GRM5: variants seen among roughly 807,000 people sequenced by gnomAD.
GRM5 encodes the protein glutamate metabotropic receptor 5.
A neutral mutation model predicts 83.1 loss-of-function variants in GRM5; 19 were observed. The observed-to-expected ratio is 0.23, with a 90% CI of 0.16 to 0.34. The LOEUF (loss-of-function observed/expected upper bound fraction) is 0.34, where lower values mean the gene tolerates loss of function less well. Among genes scored for constraint, GRM5 ranks in the 10% least tolerant of loss-of-function variants. The pLI, the probability that GRM5 is intolerant of heterozygous loss-of-function variation, is 1.00. For synonymous variants in GRM5, 675 were observed against 633.6 expected (o/e 1.07, Z -0.98); for missense variants, 1,160 against 1,588.3 (o/e 0.73, Z 4.58).
intron 2 of GRM5, among the ~76,000 whole-genome samples, chr11:88,928,063 A>G (rs1945819078): frequency 6.6e-6 from 1 of 152,090 alleles, no homozygotes; most frequent in Admixed American, 6.6e-5. Context: ...AGTAGACCCT[A>G]AAAGGTTTGT....
intron 2 of GRM5, among the ~76,000 whole-genome samples, chr11:88,973,829 G>A (rs1939241629): frequency 6.6e-6 from 1 of 152,100 alleles, no homozygotes; most frequent in Non-Finnish European, 1.5e-5. Context: ...AAATCTGGGT[G>A]AAAGTTATAC....
chr11:89,004,439 T>C (rs1940469749), intron 2 of GRM5, among the ~76,000 whole-genome samples: 1 of 152,210 alleles, frequency 6.6e-6, no homozygotes, highest in African/African-American at 2.4e-5. Flanking sequence ...CAAAAATCTC[T>C]TATACTTGGA....
chr11:88,745,380 A>AT (rs35158314), intron 3 of GRM5, among the ~76,000 whole-genome samples: 93,613 of 150,728 alleles, frequency 0.62, 29,950 homozygotes, highest in South Asian at 0.86. Flanking sequence ...CTAATATTGT[A>AT]TTTTTTGTAG....
At chr11:88,765,916 T>G (rs928658818) in intron 3 of GRM5, among the ~76,000 whole-genome samples, 1 of 151,656 alleles carries the variant, frequency 6.6e-6, no homozygotes, top group African/African-American at 2.4e-5. Flanking sequence ...ACACACAGAA[T>G]GGGAGAAAAT....
chr11:88,634,888 C>G (rs1372139413), intron 4 of GRM5, among the ~76,000 whole-genome samples: 1 of 152,134 alleles, frequency 6.6e-6, no homozygotes, highest in African/African-American at 2.4e-5. Flanking sequence ...CATGACATCA[C>G]TAGGCAACAA....
At chr11:88,598,840 C>T (rs909069663) in intron 5 of GRM5, among the ~76,000 whole-genome samples, 1 of 152,162 alleles carries the variant, frequency 6.6e-6, no homozygotes, top group Non-Finnish European at 1.5e-5. Context: ...GGGTGTCATT[C>T]CTTACTCAAA....
chr11:88,967,042 T>C (rs1342563264), intron 2 of GRM5, among the ~76,000 whole-genome samples: 1 of 152,028 alleles, frequency 6.6e-6, no homozygotes, highest in Non-Finnish European at 1.5e-5. Flanking sequence ...CTATCGGGCA[T>C]AGTACATCTA....
intron 2 of GRM5, among the ~76,000 whole-genome samples, chr11:88,957,993 T>C (rs1423982257): frequency 1.3e-5 from 2 of 151,982 alleles, no homozygotes; most frequent in Non-Finnish European, 2.9e-5. Flanking sequence ...TTTAGAAACT[T>C]ATATTTTTTA....
At chr11:88,930,440 A>C (rs1464348668) in intron 2 of GRM5, among the ~76,000 whole-genome samples, 2 of 152,074 alleles carry the variant, frequency 1.3e-5, no homozygotes, top group Non-Finnish European at 2.9e-5. Flanking sequence ...TAAGTAAGTA[A>C]ATTATCTGAT....
intron 3 of GRM5, among the ~76,000 whole-genome samples, chr11:88,696,534 C>T (rs529401573): frequency 1.3e-5 from 2 of 152,192 alleles, no homozygotes; most frequent in Non-Finnish European, 1.5e-5. Context: ...ATAATGTCCA[C>T]CTTGGTGGGG....
chr11:88,641,560 A>T (rs1939294679), intron 4 of GRM5, among the ~76,000 whole-genome samples: 1 of 152,118 alleles, frequency 6.6e-6, no homozygotes, highest in Non-Finnish European at 1.5e-5. Flanking sequence ...GAACCTGTAA[A>T]ATCACATAAG....
chr11:88,541,953 T>C (rs1942278379), intron 8 of GRM5, among the ~76,000 whole-genome samples: 1 of 152,072 alleles, frequency 6.6e-6, no homozygotes, highest in Admixed American at 6.6e-5. Flanking sequence ...GATCTAAAGG[T>C]TTTACAGGGG....
rs145926128 is a variant in GRM5, at chr11:88,787,710, T to C, written c.911+62196A>G. Among the ~76,000 whole-genome samples, 1,061 of 152,122 alleles carry C rather than the reference T, an allele frequency of 7.0e-3. 14 individuals are homozygous for C. The highest frequency in any genetic ancestry group is 0.024 in the African/African-American group (1,001 of 41,504). The stretch of plus-strand genomic sequence containing the variant: ...GACTTTAAGGATAGATCATTAGGTG[T>C]TGGATTGCATTTAGGAGGTAAAGAA... On this transcript the variant is annotated intron_variant, in intron 3 of 9. Transcript: ENST00000305447.
intron 9 of GRM5, among the ~76,000 whole-genome samples, chr11:88,510,921 A>G (rs1163657262): frequency 6.6e-6 from 1 of 152,248 alleles, no homozygotes; most frequent in African/African-American, 2.4e-5. Context: ...GCTCTGTTCT[A>G]GGGGCTGTGA....
rs1191872301 is a variant in GRM5, at chr11:88,687,529, CATATAT to C, written c.912-34132_912-34127del. Among the ~76,000 whole-genome samples, 93 of 22,254 alleles carry C rather than the reference CATATAT, an allele frequency of 4.2e-3. 8 individuals are homozygous for C. The highest frequency in any genetic ancestry group is 9.0e-3 in the African/African-American group (91 of 10,104). The allele number at this position is 22,254 out of a possible 152,430, so 14.6% of individuals were successfully genotyped here. A position where few individuals can be genotyped will look rare whatever the true frequency, so the allele number is the denominator to read the frequency against. The stretch of plus-strand genomic sequence containing the variant: ...ACACACACACACACACACACACATA[CATATAT>C]ATACACACACACACACACATATATA... On this transcript the variant is annotated intron_variant, in intron 3 of 9. Coordinates refer to ENST00000305447, the MANE Select transcript of GRM5 (RefSeq NM_001143831.3).
chr11:88,572,119 C>T (rs986557142), intron 7 of GRM5, among the ~76,000 whole-genome samples: 1 of 152,156 alleles, frequency 6.6e-6, no homozygotes, highest in Non-Finnish European at 1.5e-5. Context: ...TTTGAGCATG[C>T]TGTTTGTACT....
At chr11:89,015,625 C>T (rs1487422687) in intron 2 of GRM5, among the ~76,000 whole-genome samples, 1 of 152,158 alleles carries the variant, frequency 6.6e-6, no homozygotes, top group Non-Finnish European at 1.5e-5. Context: ...GAGTGAAACA[C>T]TTTATTCTGT....
intron 4 of GRM5, among the ~76,000 whole-genome samples, chr11:88,609,179 T>A (rs1195573562): frequency 1.3e-5 from 2 of 152,180 alleles, no homozygotes; most frequent in Non-Finnish European, 2.9e-5. Flanking sequence ...CCAGTGTCTG[T>A]TATTTCCATA....
At chr11:88,979,228 T>C (rs1591015156) in intron 2 of GRM5, among the ~76,000 whole-genome samples, 1 of 152,176 alleles carries the variant, frequency 6.6e-6, no homozygotes, top group South Asian at 2.1e-4. Flanking sequence ...ACCAGTCTTT[T>C]AAAACAACAG....
Sources: gnomAD v4.1 joint callset for allele counts (sites outside exome capture counted in the v4.1 genomes callset) on GRCh38, gnomAD v4.1.1 for gene constraint, MANE v1.5 for transcripts, NCBI Gene and HGNC (gene_info 2026-07-23, HGNC 2026-07-21) for gene names.